KIT: variants seen among roughly 807,000 people sequenced by gnomAD.
The protein encoded by KIT is mast/stem cell growth factor receptor Kit.
A neutral mutation model predicts 105.7 loss-of-function variants in KIT; 16 were observed. That is an observed-to-expected ratio of 0.15 (90% CI 0.10 to 0.23). KIT has a LOEUF of 0.23. KIT is among the 10% of genes least tolerant of loss of function. KIT has a pLI of 1.00. For missense variants in KIT, 858 were observed against 1,213.8 expected (o/e 0.71, Z 4.36); for synonymous variants, 438 against 441.1 (o/e 0.99, Z 0.09).
chr4:54,682,924 G>T (rs1719050892), intron 1 of KIT, among the ~76,000 whole-genome samples: 1 of 151,668 alleles, frequency 6.6e-6, no homozygotes, highest in African/African-American at 2.4e-5. Context: ...GCTAAATTTT[G>T]TATTTTTAGT....
At chr4:54,682,978 C>G (rs1443562109) in intron 1 of KIT, among the ~76,000 whole-genome samples, 1 of 151,986 alleles carries the variant, frequency 6.6e-6, no homozygotes, top group African/African-American at 2.4e-5. Flanking sequence ...TCTCAAACTC[C>G]TGGTCTCAAG....
chr4:54,658,047 C>T lies in KIT; in HGVS notation c.33C>T (p.Leu11=), dbSNP rs894439242. The T allele has an allele frequency of 6.2e-7, 1 of 1,613,870 alleles. No individual in the cohort carries two copies. Among genetic ancestry groups the T allele is most frequent in the Non-Finnish European group, 8.5e-7 (1 of 1,179,930 alleles). MRGARGAWDF[L]CVLLLLLRVQ... is the part of the protein sequence containing the mutation. ...GCGCTCGCGGCGCCTGGGATTTTCT[C>T]TGCGTTCTGCTCCTACTGCTTCGCG... Residue 11 remains leucine, a synonymous_variant, in exon 1 of 21, where the codon CTC becomes CTT. Transcript: ENST00000288135.
chr4:54,714,618 G>C (rs1721350979), intron 7 of KIT, among the ~76,000 whole-genome samples: 1 of 152,156 alleles, frequency 6.6e-6, no homozygotes, highest in Admixed American at 6.5e-5. Context: ...TGATAAACCA[G>C]TTGTTTTTCA....
chr4:54,708,183 G>A (rs112467855), intron 6 of KIT, among the ~76,000 whole-genome samples: 1,658 of 152,250 alleles, frequency 0.011, 33 homozygotes, highest in African/African-American at 0.038. Flanking sequence ...GCAGGAGGAC[G>A]GGGAGGGACA....
intron 1 of KIT, among the ~76,000 whole-genome samples, chr4:54,692,340 ACT>A (rs1394899212): frequency 1.3e-5 from 2 of 151,906 alleles, no homozygotes; most frequent in African/African-American, 4.8e-5. Flanking sequence ...TCTCAGAAAA[ACT>A]CTATGAGATG....
chr4:54,716,437 ATT>A (rs1325774455), intron 7 of KIT, among the ~76,000 whole-genome samples: 3 of 152,180 alleles, frequency 2.0e-5, no homozygotes, highest in Non-Finnish European at 4.4e-5. Context: ...ATCAAGTTTT[ATT>A]TTTACTTTTT....
intron 1 of KIT, among the ~76,000 whole-genome samples, chr4:54,675,359 A>C (rs1003801857): frequency 1.3e-5 from 2 of 152,238 alleles, no homozygotes; most frequent in Admixed American, 6.5e-5. Context: ...AAAGATTGAG[A>C]AGAAGTAATT....
At chr4:54,736,451 T>G in intron 17 of KIT, 47 bp from the exon 18 acceptor site, 5 of 1,352,236 alleles carry the variant, frequency 3.7e-6, no homozygotes, top group African/African-American at 1.4e-5. Flanking sequence ...TCAATTTTGT[T>G]GAGCTTCTGA....
chr4:54,658,188 C>T (rs1716958059), intron 1 of KIT, 107 bp downstream of exon 1: 2 of 1,133,196 alleles, frequency 1.8e-6, no homozygotes, highest in Admixed American at 3.6e-5. Context: ...TGCGGGCCCT[C>T]AGTGCCCGTG....
intron 5 of KIT, 106 bp downstream of exon 5, chr4:54,703,998 T>A: frequency 1.0e-6 from 1 of 996,788 alleles, no homozygotes; most frequent in South Asian, 1.3e-5. Flanking sequence ...ATTCTTAGAA[T>A]TTTGTTATCA....
At chr4:54,692,190 A>T (rs1027133733) in intron 1 of KIT, among the ~76,000 whole-genome samples, 54 of 152,356 alleles carry the variant, frequency 3.5e-4, no homozygotes, top group African/African-American at 1.2e-3. Context: ...CAGAGCCAAG[A>T]TGCAAGTCTA....
chr4:54,733,428 A>C (rs1020453984), intron 17 of KIT: 8 of 449,942 alleles, frequency 1.8e-5, no homozygotes, highest in Non-Finnish European at 2.9e-5. Context: ...CATGTGAAGG[A>C]AACAGAAATA....
intron 20 of KIT, 35 bp from the exon 21 acceptor site, chr4:54,738,394 G>A: frequency 6.2e-7 from 1 of 1,613,096 alleles, no homozygotes; most frequent in South Asian, 1.1e-5. Flanking sequence ...TCGTTGTAGG[G>A]ACTGCTGTAT....
intron 13 of KIT, among the ~76,000 whole-genome samples, chr4:54,728,655 G>A (rs1722390749): frequency 6.6e-6 from 1 of 152,186 alleles, no homozygotes; most frequent in African/African-American, 2.4e-5. Context: ...TGTGTAAAAT[G>A]AGCTGTTTCT....
chr4:54,690,353 A>G (rs1331671537), intron 1 of KIT, among the ~76,000 whole-genome samples: 1 of 152,192 alleles, frequency 6.6e-6, no homozygotes, highest in Non-Finnish European at 1.5e-5. Context: ...GAAATCTTGC[A>G]TTGTTGACTC....
chr4:54,682,101 T>TTG (rs1718972727), intron 1 of KIT, among the ~76,000 whole-genome samples: 1 of 151,006 alleles, frequency 6.6e-6, no homozygotes, highest in African/African-American at 2.4e-5. Context: ...TTTTTTTTTT[T>TTG]TTTTTTGAGA....
rs2282777 is a variant in KIT, at chr4:54,683,815, G to A, written c.68-11697G>A. On this transcript the variant is annotated intron_variant, in intron 1 of 20. Coordinates refer to ENST00000288135, the MANE Select transcript of KIT (RefSeq NM_000222.3). ...ATCTTCTTTTGCCACCAGGTGGCAC[G>A]CTTGTGAATTGGGAACTGGTGGAAG... 5.1e-4 allele frequency among the ~76,000 whole-genome samples: 77 copies of A among 152,270 alleles called. No homozygotes were observed. In the East Asian group the frequency reaches 0.011, roughly 23 times the overall value.
chr4:54,729,427 G>C lies in KIT; in HGVS notation c.2083G>C (p.Glu695Gln), dbSNP rs1277986442. 4 of 1,613,724 alleles carry C rather than the reference G, an allele frequency of 2.5e-6. No individual in the cohort carries two copies. In the South Asian group the frequency reaches 4.4e-5, roughly 18 times the overall value. Residue 695 changes from glutamate (E) to glutamine (Q), a missense_variant, in exon 14 of 21, where the codon GAA becomes CAA. By Grantham distance (29) the Glu-to-Gln change is conservative (BLOSUM62 2). This residue lies in a region of KIT where 158 missense variants were observed against 218.7 expected (regional missense o/e 0.72). Coordinates refer to ENST00000288135, the MANE Select transcript of KIT (RefSeq NM_000222.3). ...TGATTCATTTATTTGTTCAAAGCAG[G>C]AAGATCATGCAGAAGCTGCACTTTA... The part of the protein sequence containing the change: ...KRDSFICSKQ[E>Q]DHAEAALYKN...
intron 1 of KIT, among the ~76,000 whole-genome samples, chr4:54,685,201 G>T (rs1719224911): frequency 6.6e-6 from 1 of 152,180 alleles, no homozygotes; most frequent in South Asian, 2.1e-4. Context: ...CTCCCTGGGG[G>T]ATTTCATGGA....
Sources: allele counts gnomAD v4.1 joint callset (sites outside exome capture counted in the v4.1 genomes callset), GRCh38; gene constraint gnomAD v4.1.1; regional missense constraint gnomAD v4.1.1; transcripts MANE v1.5; gene names NCBI Gene and HGNC (gene_info 2026-07-23, HGNC 2026-07-21).